The following SIPA1L1 variants were observed in gnomAD, a reference collection of about 807,000 sequenced individuals.
SIPA1L1 encodes signal-induced proliferation-associated 1-like protein 1.
SIPA1L1 carries 26 observed loss-of-function variants against 162.7 expected under a neutral mutation model. The ratio of observed to expected loss-of-function variants is 0.16; its 90% CI spans 0.12 to 0.22. SIPA1L1 has a LOEUF of 0.22. SIPA1L1 is among the 10% of genes least tolerant of loss of function. The pLI, the probability that SIPA1L1 is intolerant of heterozygous loss-of-function variation, is 1.00. For missense variants in SIPA1L1, 1,874 were observed against 2,241.0 expected (o/e 0.84, Z 3.31); for synonymous variants, 829 against 837.4 (o/e 0.99, Z 0.17).
At chr14:71,495,128 T>C (rs1443404917) in intron 2 of SIPA1L1, among the ~76,000 whole-genome samples, 1 of 152,212 alleles carries the variant, frequency 6.6e-6, no homozygotes. Context: ...GGCTTTAGTA[T>C]TGTGGTAATA....
intron 2 of SIPA1L1, among the ~76,000 whole-genome samples, chr14:71,384,173 C>T (rs1426225986): frequency 6.6e-6 from 1 of 152,156 alleles, no homozygotes; most frequent in East Asian, 1.9e-4. Flanking sequence ...GAATAAAGAT[C>T]AGATAAGTCC....
chr14:71,722,252 G>A (rs1000454154), intron 17 of SIPA1L1, among the ~76,000 whole-genome samples: 1 of 152,204 alleles, frequency 6.6e-6, no homozygotes, highest in South Asian at 2.1e-4. Flanking sequence ...TTATGAAGGT[G>A]CTTTTTTGTG....
chr14:71,345,734 AT>A (rs149052952), intron 2 of SIPA1L1, among the ~76,000 whole-genome samples: 8 of 150,818 alleles, frequency 5.3e-5, no homozygotes, highest in Non-Finnish European at 3.0e-5. Flanking sequence ...CTCCCGGCTA[AT>A]TTTTTTGTAT....
At chr14:71,684,646 G>C (rs1030438434) in intron 12 of SIPA1L1, among the ~76,000 whole-genome samples, 2 of 152,112 alleles carry the variant, frequency 1.3e-5, no homozygotes, top group Non-Finnish European at 2.9e-5. Context: ...TGCAGTGGTG[G>C]GGGTGTGAAG....
chr14:71,629,094 C>T (rs1398839512), intron 7 of SIPA1L1, among the ~76,000 whole-genome samples: 4 of 152,090 alleles, frequency 2.6e-5, no homozygotes, highest in South Asian at 2.1e-4. Flanking sequence ...CCCGCCACCA[C>T]GCCCAGCTAA....
chr14:71,575,277 C>G (rs2032831734), intron 4 of SIPA1L1, among the ~76,000 whole-genome samples: 1 of 152,146 alleles, frequency 6.6e-6, no homozygotes, highest in Non-Finnish European at 1.5e-5. Flanking sequence ...TTTCTCTCCT[C>G]TGCCCTTATC....
chr14:71,588,128 A>G lies in SIPA1L1; in HGVS notation c.256A>G (p.Arg86Gly). Reference protein sequence around the residue: ...VRARIADWPPRKENIKESSRS... With the variant: ...VRARIADWPPGKENIKESSRS... ...GGCAAGGATTGCAGATTGGCCCCCA[A>G]GAAAGGAAAACATAAAAGAATCTAG... Residue 86 changes from arginine (R) to glycine (G), a missense_variant, in exon 5 of 24, where the codon AGA becomes GGA. Coordinates refer to ENST00000381232, the MANE Select transcript of SIPA1L1 (RefSeq NM_001386936.1). The surrounding 1 kb of genome is among the most constrained non-coding windows in gnomAD (Gnocchi z 4.3). 6 of 1,614,194 alleles carry G rather than the reference A, an allele frequency of 3.7e-6. No homozygotes were observed. Among genetic ancestry groups the G allele is most frequent in the Non-Finnish European group, 5.1e-6 (6 of 1,179,992 alleles).
intron 2 of SIPA1L1, among the ~76,000 whole-genome samples, chr14:71,488,770 A>AGGTTTTT (rs1356758936): frequency 6.6e-6 from 1 of 152,118 alleles, no homozygotes; most frequent in Admixed American, 6.5e-5. Flanking sequence ...AAAATACTGT[A>AGGTTTTT]GGTTTTTGTT....
intron 4 of SIPA1L1, among the ~76,000 whole-genome samples, chr14:71,569,866 A>G (rs1277149777): frequency 6.6e-6 from 1 of 152,164 alleles, no homozygotes; most frequent in Non-Finnish European, 1.5e-5. Context: ...ATGTAAATGG[A>G]TTCGCCTCTT....
At chr14:71,367,628 G>C (rs1225465694) in intron 2 of SIPA1L1, among the ~76,000 whole-genome samples, 3 of 102,692 alleles carry the variant, frequency 2.9e-5, no homozygotes, top group Admixed American at 1.1e-4. Context: ...TTTTTTTGGA[G>C]ACAGGTTTGC....
At chr14:71,735,461 G>C in intron 22 of SIPA1L1, 70 bp downstream of exon 22, 1 of 1,053,738 alleles carries the variant, frequency 9.5e-7, no homozygotes, top group African/African-American at 1.6e-5. Context: ...TCTGTGGGGA[G>C]AAGAGATGGA....
chr14:71,564,888 T>A (rs1178967819), intron 4 of SIPA1L1, among the ~76,000 whole-genome samples: 2 of 152,212 alleles, frequency 1.3e-5, no homozygotes, highest in African/African-American at 4.8e-5. Flanking sequence ...CACAGGTTCT[T>A]ATCGTTACTT....
At chr14:71,352,317 T>TG (rs2036802133) in intron 2 of SIPA1L1, among the ~76,000 whole-genome samples, 1 of 151,842 alleles carries the variant, frequency 6.6e-6, no homozygotes, top group Admixed American at 6.6e-5. Context: ...GCTGGGAGGG[T>TG]TGAATTTCTG....
At chr14:71,401,667 T>C (rs2041681441) in intron 2 of SIPA1L1, among the ~76,000 whole-genome samples, 3 of 152,116 alleles carry the variant, frequency 2.0e-5, no homozygotes, top group Non-Finnish European at 4.4e-5. Flanking sequence ...TAGCAAAAGT[T>C]ATATTTAGTT....
At chr14:71,618,605 T>A (rs2039086416) in intron 5 of SIPA1L1, 152 bp from the exon 6 acceptor site, 1 of 701,666 alleles carries the variant, frequency 1.4e-6, no homozygotes, top group African/African-American at 1.8e-5. Context: ...AGTCTTTGTT[T>A]TTATAACTAA....
intron 2 of SIPA1L1, among the ~76,000 whole-genome samples, chr14:71,415,365 A>G (rs1351372951): frequency 1.3e-5 from 2 of 152,226 alleles, no homozygotes; most frequent in Non-Finnish European, 2.9e-5. Context: ...TAGAGGTGGA[A>G]TCTAAGATTT....
In SIPA1L1 at chr14:71,426,752, A is replaced by G. The variant is rs182203548; in HGVS notation, c.-464-85991A>G. Among the ~76,000 whole-genome samples, 9 of 152,248 alleles carry G rather than the reference A, an allele frequency of 5.9e-5. No homozygotes were observed. The East Asian group carries it at 1.5e-3, about 26-fold the overall frequency. On this transcript the variant is annotated intron_variant, in intron 2 of 23. Coordinates refer to ENST00000381232, the MANE Select transcript of SIPA1L1 (RefSeq NM_001386936.1). ...AATGATCTGCCTGCCCTGGCCTCCC[A>G]AAGTGCTGGGATTACAGTTGTAAAC...
chr14:71,324,123 C>T (rs1259699169), intron 2 of SIPA1L1, among the ~76,000 whole-genome samples: 1 of 152,114 alleles, frequency 6.6e-6, no homozygotes, highest in African/African-American at 2.4e-5. Flanking sequence ...AGATGAGCTA[C>T]AAAAATTGAT....
At chr14:71,600,137 C>A (rs2036559312) in intron 5 of SIPA1L1, among the ~76,000 whole-genome samples, 1 of 152,098 alleles carries the variant, frequency 6.6e-6, no homozygotes, top group South Asian at 2.1e-4. Context: ...TATGTCTATT[C>A]TTGTTTTCGT....
Sources: allele counts gnomAD v4.1 joint callset (sites outside exome capture counted in the v4.1 genomes callset), GRCh38; gene constraint gnomAD v4.1.1; non-coding constraint Gnocchi (gnomAD v3.1); transcripts MANE v1.5; gene names NCBI Gene and HGNC (gene_info 2026-07-23, HGNC 2026-07-21).